Variants in MAP3K5 observed in about 807,000 individuals in gnomAD.
MAP3K5 encodes the protein mitogen-activated protein kinase kinase kinase 5.
In MAP3K5, 56 loss-of-function variants were observed where a neutral mutation model predicts 158.7. That is an observed-to-expected ratio of 0.35 (90% CI 0.28 to 0.44). The LOEUF is 0.44. Ranked by LOEUF, MAP3K5 falls within the 20% of genes least tolerant of loss-of-function variation. The probability of loss-of-function intolerance (pLI) is 1.00; values close to 1 mark genes in which losing one functional copy is unlikely to be tolerated. For synonymous variants in MAP3K5, 579 were observed against 601.7 expected (o/e 0.96, Z 0.55); for missense variants, 1,294 against 1,674.8 (o/e 0.77, Z 3.97).
chr6:136,602,032 A>C (rs1583253619), intron 19 of MAP3K5, 53 bp from the exon 20 acceptor site: 1 of 1,461,062 alleles, frequency 6.8e-7, no homozygotes, highest in Non-Finnish European at 9.5e-7. Context: ...ACATCTCAGC[A>C]CCTGAACTCC....
chr6:136,773,250 C>T (rs1784281196), intron 1 of MAP3K5, among the ~76,000 whole-genome samples: 1 of 152,178 alleles, frequency 6.6e-6, no homozygotes, highest in Non-Finnish European at 1.5e-5. Context: ...GGCCACGTGC[C>T]TTACCTTGGG....
Position 136,601,877 on chromosome 6 carries a change from A to G in MAP3K5, c.2782T>C (p.Cys928Arg). 1 of 1,614,184 alleles carries G rather than the reference A, an allele frequency of 6.2e-7. No homozygotes were observed. Among genetic ancestry groups the G allele is most frequent in the Non-Finnish European group, 8.5e-7 (1 of 1,180,002 alleles). Residue 928 changes from cysteine (C) to arginine (R), a missense_variant, in exon 20 of 30, where the codon TGT (cysteine) becomes CGT (arginine). Coordinates refer to ENST00000359015, the MANE Select transcript of MAP3K5 (RefSeq NM_005923.4). ...TCATCAACAAGCAAGTCGTTAGCACAGGCTCTCTTGTCAGGATCTGGTTCA... is the reference window on the plus strand; with the variant it reads ...TCATCAACAAGCAAGTCGTTAGCACGGGCTCTCTTGTCAGGATCTGGTTCA... The part of the protein sequence containing the change: ...CFEPDPDKRA[C>R]ANDLLVDEFL...
intron 8 of MAP3K5, 113 bp downstream of exon 8, chr6:136,669,170 G>A (rs1281601790): frequency 2.7e-6 from 2 of 753,810 alleles, no homozygotes; most frequent in Admixed American, 2.3e-5. Context: ...TTTTCTCTTT[G>A]GGAAGTATGA....
At chr6:136,664,340 T>C (rs1779135806) in intron 8 of MAP3K5, among the ~76,000 whole-genome samples, 1 of 152,078 alleles carries the variant, frequency 6.6e-6, no homozygotes. Context: ...TCCCACTGAT[T>C]CTACATTATG....
intron 11 of MAP3K5, among the ~76,000 whole-genome samples, chr6:136,644,389 C>G (rs1263002003): frequency 6.6e-6 from 1 of 152,184 alleles, no homozygotes; most frequent in East Asian, 1.9e-4. Context: ...TGGGATCTGT[C>G]TGGGAATCAG....
chr6:136,560,904 T>C (rs1830478490), intron 28 of MAP3K5, among the ~76,000 whole-genome samples: 1 of 150,182 alleles, frequency 6.7e-6, no homozygotes, highest in Admixed American at 6.6e-5. Flanking sequence ...CTATGATCAC[T>C]GCCCTCCAGC....
intron 1 of MAP3K5, among the ~76,000 whole-genome samples, chr6:136,730,216 C>T (rs1322534343): frequency 6.8e-6 from 1 of 147,670 alleles, no homozygotes; most frequent in Non-Finnish European, 1.5e-5. Context: ...CCAAGCTGGT[C>T]TCAAACTCCT....
Position 136,622,948 on chromosome 6 carries a change from C to T in MAP3K5, c.2050G>A (p.Val684Ile). The part of the protein sequence containing the change: ...DYEYDENGDR[V>I]VLGKGTYGIV... ...CCATAAGTGCCTTTTCCTAAAACGA[C>T]TCTGTCACCATTTTCATCATATTCA... Residue 684 changes from valine to isoleucine, a missense_variant, in exon 15 of 30, where the codon GTC becomes ATC. By Grantham distance (29) the Val-to-Ile change is conservative. Around this residue, in one of 5 missense-constraint regions of MAP3K5, gnomAD observed 690 missense variants for 870.5 expected, o/e 0.79. Coordinates refer to ENST00000359015, the MANE Select transcript of MAP3K5 (RefSeq NM_005923.4). 3.1e-6 allele frequency: 5 copies of T among 1,614,002 alleles called. No homozygotes were observed. The South Asian group carries it at 3.3e-5, about 11-fold the overall frequency.
intron 1 of MAP3K5, among the ~76,000 whole-genome samples, chr6:136,761,832 G>A (rs905041193): frequency 6.6e-5 from 10 of 152,160 alleles, no homozygotes; most frequent in Non-Finnish European, 4.4e-5. Flanking sequence ...TAACTACTCC[G>A]ACAGCACAGA....
At chr6:136,645,977 TGTTA>T (rs546483233) in intron 11 of MAP3K5, among the ~76,000 whole-genome samples, 83 of 152,360 alleles carry the variant, frequency 5.4e-4, no homozygotes, top group African/African-American at 1.9e-3. Context: ...GTTGCTTCTC[TGTTA>T]TTTATAGTTG....
At position 136,569,841 on chromosome 6, in the gene MAP3K5, T is replaced by A. The variant is rs530984046; in HGVS notation, c.3518-1967A>T. 1.6e-4 allele frequency among the ~76,000 whole-genome samples: 25 copies of A among 152,318 alleles called. No homozygotes were observed. In the South Asian group the frequency reaches 5.0e-3, roughly 30 times the overall value. ...TAAGAAAAAATATTACAAATTGTAA[T>A]TAAATCCTTAAACTTGGTCCACAAA... On this transcript the variant is annotated intron_variant, in intron 25 of 29. Coordinates refer to ENST00000359015, the MANE Select transcript of MAP3K5 (RefSeq NM_005923.4).
chr6:136,753,376 C>T (rs1432705935), intron 1 of MAP3K5, among the ~76,000 whole-genome samples: 1 of 152,038 alleles, frequency 6.6e-6, no homozygotes, highest in African/African-American at 2.4e-5. Flanking sequence ...GATGAAAACA[C>T]CTTTTTTGGT....
chr6:136,639,616 A>G lies in MAP3K5; in HGVS notation c.1861T>C (p.Cys621Arg). The G allele has an allele frequency of 1.3e-6, 2 of 1,591,024 alleles. No individual in the cohort carries two copies. Among genetic ancestry groups the G allele is most frequent in the Non-Finnish European group, 1.7e-6 (2 of 1,169,884 alleles). ...GVSISKFEER[C>R]CFLYVLHNSD... ...TTGTGAAGCACATAAAGAAAGCAGC[A>G]TCTTTCTTCAAATTTAGAAATACTG... The change falls in exon 13 of 30, where the codon TGC becomes CGC. Residue 621 changes from cysteine to arginine, a missense_variant. Coordinates refer to ENST00000359015, the MANE Select transcript of MAP3K5 (RefSeq NM_005923.4).
intron 8 of MAP3K5, among the ~76,000 whole-genome samples, chr6:136,660,406 T>TA (rs1278150076): frequency 2.0e-5 from 3 of 149,706 alleles, no homozygotes; most frequent in East Asian, 3.9e-4. Context: ...ATTTAAAATC[T>TA]AAAAAAAAGA....
At chr6:136,666,384 T>C (rs868739786) in intron 8 of MAP3K5, among the ~76,000 whole-genome samples, 1 of 152,272 alleles carries the variant, frequency 6.6e-6, no homozygotes, top group African/African-American at 2.4e-5. Context: ...AATCAAAATT[T>C]CAAAAAGCAT....
chr6:136,645,318 T>C (rs1416083651), intron 11 of MAP3K5, among the ~76,000 whole-genome samples: 2 of 152,210 alleles, frequency 1.3e-5, no homozygotes, highest in South Asian at 2.1e-4. Context: ...CCTTGGTGGA[T>C]GACAGCATCA....
At chr6:136,700,870 G>A (rs1162760609) in intron 3 of MAP3K5, among the ~76,000 whole-genome samples, 3 of 152,200 alleles carry the variant, frequency 2.0e-5, no homozygotes, top group African/African-American at 7.2e-5. Context: ...CCCGACTACT[G>A]CCGTTATGGG....
At chr6:136,605,076 C>T (rs1779961069) in intron 19 of MAP3K5, 133 bp downstream of exon 19, 21 of 823,610 alleles carry the variant, frequency 2.5e-5, no homozygotes, top group Non-Finnish European at 4.0e-5. Flanking sequence ...AGAGAATCTT[C>T]TTGACCTTTA....
Position 136,789,675 on chromosome 6 carries a change from CT to C in MAP3K5, c.448+2034del, listed in dbSNP as rs57162918. ...AGGAAGCAAGGGCCAAGCACAACCT[CT>C]TTTTTTTTTTTTTTTTTTTTTTTTT... On this transcript the variant is annotated intron_variant, in intron 1 of 29. Coordinates refer to ENST00000359015, the MANE Select transcript of MAP3K5 (RefSeq NM_005923.4). 3.5e-3 allele frequency among the ~76,000 whole-genome samples: 277 copies of C among 78,770 alleles called. 6 individuals carry two copies. The highest frequency in any genetic ancestry group is 9.8e-3 in the South Asian group (19 of 1,930). 51.7% of individuals were successfully genotyped at this position (78,770 alleles called of 152,430 possible). A position where few individuals can be genotyped will look rare whatever the true frequency, so the allele number is the denominator to read the frequency against.
Sources: gnomAD v4.1 joint callset for allele counts (sites outside exome capture counted in the v4.1 genomes callset) on GRCh38, gnomAD v4.1.1 for gene constraint, gnomAD v4.1.1 regional missense constraint, MANE v1.5 for transcripts, NCBI Gene and HGNC (gene_info 2026-07-23, HGNC 2026-07-21) for gene names.